The following KPNA1 variants were observed in gnomAD, a reference collection of about 807,000 sequenced individuals.
KPNA1 encodes the protein importin subunit alpha-5.
A neutral mutation model predicts 70.5 loss-of-function variants in KPNA1; 10 were observed. That is an observed-to-expected ratio of 0.14 (90% CI 0.09 to 0.24). The LOEUF (loss-of-function observed/expected upper bound fraction) is 0.24. KPNA1 is among the 10% of genes least tolerant of loss of function. The pLI is 1.00. For missense variants in KPNA1, 397 were observed against 637.9 expected (o/e 0.62, Z 4.07); for synonymous variants, 192 against 221.9 (o/e 0.87, Z 1.20).
chr3:122,506,544 T>C (rs2076892273), intron 1 of KPNA1, among the ~76,000 whole-genome samples: 1 of 152,222 alleles, frequency 6.6e-6, no homozygotes, highest in Admixed American at 6.5e-5. Context: ...AGTAGCTTTA[T>C]TTTTATTAAG....
rs762256049 is a variant in KPNA1, at chr3:122,438,390, G to GTT, written c.997-1097_997-1096dup. On this transcript the variant is annotated intron_variant, in intron 10 of 13. Transcript: ENST00000344337. ...ACTCAGTCTTCGGTATTTCTTTTTT[G>GTT]TTTTTTTTTTTTTGAGACAGAGTTT... Among the ~76,000 whole-genome samples the GTT allele has an allele frequency of 5.5e-3, 762 of 138,756 alleles. 9 individuals carry two copies. The highest frequency in any genetic ancestry group is 0.019 in the African/African-American group (722 of 38,286). 91.0% of individuals were successfully genotyped at this position (138,756 alleles called of 152,430 possible).
At chr3:122,513,395 CAG>C (rs768216031) in intron 1 of KPNA1, among the ~76,000 whole-genome samples, 1 of 152,196 alleles carries the variant, frequency 6.6e-6, no homozygotes, top group Non-Finnish European at 1.5e-5. Context: ...AAAAATACAA[CAG>C]AACTCATTCT....
chr3:122,467,555 T>A, intron 2 of KPNA1, 126 bp from the exon 3 acceptor site: 2 of 551,054 alleles, frequency 3.6e-6, no homozygotes, highest in Non-Finnish European at 6.4e-6. Flanking sequence ...TCTAAAGCTG[T>A]CAGCTTTTAC....
chr3:122,486,829 C>T (rs1383742355), intron 2 of KPNA1, among the ~76,000 whole-genome samples: 7 of 152,038 alleles, frequency 4.6e-5, no homozygotes, highest in South Asian at 2.1e-4. Context: ...CCTCGTGATC[C>T]GCCCGCCTCA....
At position 122,453,930 on chromosome 3, in the gene KPNA1, T is replaced by C; in HGVS notation, c.504A>G (p.Ala168=). The C allele has an allele frequency of 6.2e-7, 1 of 1,613,466 alleles. No individual in the cohort carries two copies. Among genetic ancestry groups the C allele is most frequent in the Non-Finnish European group, 8.5e-7 (1 of 1,179,468 alleles). Reference sequence around the variant, plus strand: ...ACTCTATGAAGATGGGCACAGCTCCTGCCTGAATCACAATTCGGGTCTGAA... The same window carrying C: ...ACTCTATGAAGATGGGCACAGCTCCCGCCTGAATCACAATTCGGGTCTGAA... The part of the protein sequence containing the change: ...NSLQTRIVIQ[A]GAVPIFIELL... The change falls in exon 6 of 14, where the codon GCA becomes GCG. Residue 168 remains alanine (A), a synonymous_variant. Transcript: ENST00000344337.
rs1248209726 is a variant in KPNA1, at chr3:122,427,696, C to G, written c.1271G>C (p.Cys424Ser). 1 of 1,601,108 alleles carries G rather than the reference C, an allele frequency of 6.2e-7. No individual in the cohort carries two copies. Residue 424 changes from cysteine to serine, a missense_variant, in exon 13 of 14, where the codon TGT becomes TCT. Cys to Ser is a moderately radical substitution (Grantham distance 112). Coordinates refer to ENST00000344337, the MANE Select transcript of KPNA1 (RefSeq NM_002264.4). Reference protein sequence around the residue: ...EQIKYLVELGCIKPLCDLLTV... With the variant: ...EQIKYLVELGSIKPLCDLLTV... ...GAGGAGATCACAGAGCGGCTTGATA[C>G]AACCCAGTTCTACTAGGTACCTAAA... is the stretch of plus-strand genomic sequence containing the variant.
chr3:122,471,178 G>A (rs945413025), intron 2 of KPNA1, among the ~76,000 whole-genome samples: 3 of 152,198 alleles, frequency 2.0e-5, no homozygotes, highest in African/African-American at 7.2e-5. Flanking sequence ...ATACAATGCA[G>A]GGGTGAGAGT....
chr3:122,508,832 A>G (rs2076919948), intron 1 of KPNA1, among the ~76,000 whole-genome samples: 1 of 152,232 alleles, frequency 6.6e-6, no homozygotes, highest in Non-Finnish European at 1.5e-5. Flanking sequence ...CAAGACTACC[A>G]GACATCTGGG....
intron 2 of KPNA1, among the ~76,000 whole-genome samples, chr3:122,489,773 T>C (rs1237312541): frequency 6.6e-6 from 1 of 152,244 alleles, no homozygotes; most frequent in Non-Finnish European, 1.5e-5. Flanking sequence ...ACAATGTCAA[T>C]TTTACCTCGT....
chr3:122,488,340 G>A (rs1035860783), intron 2 of KPNA1, among the ~76,000 whole-genome samples: 1 of 151,938 alleles, frequency 6.6e-6, no homozygotes, highest in Non-Finnish European at 1.5e-5. Flanking sequence ...GGGCAACATA[G>A]TGAGACCCCA....
chr3:122,471,498 T>G (rs1253936466), intron 2 of KPNA1, among the ~76,000 whole-genome samples: 1 of 152,060 alleles, frequency 6.6e-6, no homozygotes, highest in Non-Finnish European at 1.5e-5. Flanking sequence ...AAAACACAGA[T>G]TAAAAGTAAA....
intron 2 of KPNA1, among the ~76,000 whole-genome samples, chr3:122,489,417 C>T (rs1338425024): frequency 6.6e-6 from 1 of 151,248 alleles, no homozygotes; most frequent in Non-Finnish European, 1.5e-5. Context: ...AACCTTGGGA[C>T]TTAGGACTAT....
At chr3:122,503,824 T>C (rs954452390) in intron 1 of KPNA1, among the ~76,000 whole-genome samples, 4 of 152,174 alleles carry the variant, frequency 2.6e-5, no homozygotes, top group African/African-American at 9.7e-5. Context: ...CTATTTGTTA[T>C]ATTTGTCACA....
intron 11 of KPNA1, among the ~76,000 whole-genome samples, chr3:122,434,644 T>C (rs1462286516): frequency 6.6e-6 from 1 of 152,212 alleles, no homozygotes; most frequent in Non-Finnish European, 1.5e-5. Context: ...GGCATTGCCA[T>C]GCTATTCTCC....
intron 5 of KPNA1, 103 bp downstream of exon 5, chr3:122,461,121 C>T (rs2076319214): frequency 3.0e-6 from 2 of 675,528 alleles, no homozygotes; most frequent in Admixed American, 3.1e-5. Context: ...TATAAACAAA[C>T]TTAATTCTTC....
Position 122,422,363 on chromosome 3 carries a change from AAAC to A in KPNA1, c.*4619_*4621del, listed in dbSNP as rs1221393729. 2 of 152,022 alleles carry A rather than the reference AAAC, an allele frequency of 1.3e-5. No homozygotes were observed. Among genetic ancestry groups the A allele is most frequent in the Non-Finnish European group, 2.9e-5 (2 of 67,976 alleles). 9.4% of individuals were successfully genotyped at this position (152,022 alleles called of 1,614,324 possible). ...ATTTGCACAAAAAAAAAAAAAAAAA[AAAC>A]CTATTACCATACTTGTCTGGTCATA... is the stretch of plus-strand genomic sequence containing the variant. On this transcript the variant is annotated 3_prime_UTR_variant, in exon 14 of 14. Coordinates refer to ENST00000344337, the MANE Select transcript of KPNA1 (RefSeq NM_002264.4).
chr3:122,507,313 C>G (rs4585137), intron 1 of KPNA1, among the ~76,000 whole-genome samples: 20,195 of 151,758 alleles, frequency 0.13, 1,423 homozygotes, highest in Middle Eastern at 0.27. Flanking sequence ...TGGTGGCGGG[C>G]GCTTGCAATC....
chr3:122,449,801 C>T (rs1560026642), intron 8 of KPNA1, 64 bp from the exon 9 acceptor site: 5 of 1,338,338 alleles, frequency 3.7e-6, no homozygotes, highest in East Asian at 2.5e-5. Context: ...AGGTGAGATA[C>T]TCAAGAAGGC....
At chr3:122,437,643 T>A (rs1186056733) in intron 10 of KPNA1, among the ~76,000 whole-genome samples, 1 of 152,198 alleles carries the variant, frequency 6.6e-6, no homozygotes, top group African/African-American at 2.4e-5. Flanking sequence ...GAGTCTCAGA[T>A]TTGTAGGTCC....
Sources: gnomAD v4.1 joint callset for allele counts (sites outside exome capture counted in the v4.1 genomes callset) on GRCh38, gnomAD v4.1.1 for gene constraint, MANE v1.5 for transcripts, NCBI Gene and HGNC (gene_info 2026-07-23, HGNC 2026-07-21) for gene names.